LIPC: variants seen among roughly 807,000 people sequenced by gnomAD.
LIPC encodes the protein hepatic triacylglycerol lipase.
A neutral mutation model predicts 50.7 loss-of-function variants in LIPC; 44 were observed. That is an observed-to-expected ratio of 0.87 (90% CI 0.68 to 1.11). The LOEUF (loss-of-function observed/expected upper bound fraction) is 1.11, where lower values mean the gene tolerates loss of function less well. LIPC is among the 50% of genes most tolerant of loss of function. The probability of loss-of-function intolerance (pLI) is 0.00; values close to 1 mark genes in which losing one functional copy is unlikely to be tolerated. For missense variants in LIPC, 697 were observed against 648.2 expected (o/e 1.08, Z -0.82); for synonymous variants, 271 against 256.4 (o/e 1.06, Z -0.54).
intron 1 of LIPC, among the ~76,000 whole-genome samples, chr15:58,515,644 GA>G (rs1332639648): frequency 6.6e-6 from 1 of 151,910 alleles, no homozygotes; most frequent in African/African-American, 2.4e-5. Flanking sequence ...AGGGGCAGAG[GA>G]GTAATACAAC....
In LIPC at chr15:58,569,478, C is replaced by T. The variant is rs1193268036; in HGVS notation, c.*651C>T. ...AAATAAACATAATTATTATATCTTA[C>T]TAATGCTTGCAACAAAAGCTAATTT... On this transcript the variant is annotated 3_prime_UTR_variant, in exon 9 of 9. Transcript: ENST00000299022. The T allele has an allele frequency of 2.6e-5, 4 of 152,264 alleles. No individual in the cohort carries two copies. The East Asian group carries it at 7.7e-4, about 29-fold the overall frequency. The allele number at this position is 152,264 out of a possible 1,614,324, so 9.4% of individuals were successfully genotyped here.
intron 1 of LIPC, among the ~76,000 whole-genome samples, chr15:58,485,662 G>C (rs1891349452): frequency 6.6e-6 from 1 of 152,202 alleles, no homozygotes; most frequent in Admixed American, 6.5e-5. Flanking sequence ...TCTCTGCAAA[G>C]AAGATATTGC....
At chr15:58,481,006 C>T (rs1183551993) in intron 1 of LIPC, among the ~76,000 whole-genome samples, 1 of 152,150 alleles carries the variant, frequency 6.6e-6, no homozygotes, top group Non-Finnish European at 1.5e-5. Flanking sequence ...CCATAAGCAT[C>T]CACAGATTGA....
chr15:58,442,708 G>A (rs1893547925), intron 1 of LIPC, among the ~76,000 whole-genome samples: 1 of 152,210 alleles, frequency 6.6e-6, no homozygotes, highest in African/African-American at 2.4e-5. Context: ...GGCTCAGAGT[G>A]TTGCAAACTC....
At chr15:58,563,811 G>GA in intron 8 of LIPC, 88 bp downstream of exon 8, 4 of 1,079,182 alleles carry the variant, frequency 3.7e-6, no homozygotes, top group Non-Finnish European at 5.5e-6. Flanking sequence ...CATTCATCAT[G>GA]TGAGGTGAGT....
rs1491163077 is a variant in LIPC at position 58,567,281 on chromosome 15, G to GTGTGTGTA, written c.1389-1434_1389-1433insGTGTGTAT. The stretch of plus-strand genomic sequence containing the variant: ...TATATGTATATGTGTGTGTGTGTGT[G>GTGTGTGTA]TATATATATATACATATATATATAC... On this transcript the variant is annotated intron_variant, in intron 8 of 8. Transcript: ENST00000299022. 7.8e-4 allele frequency among the ~76,000 whole-genome samples: 51 copies of GTGTGTGTA among 65,406 alleles called. 1 individual carries two copies. Among genetic ancestry groups the GTGTGTGTA allele is most frequent in the Non-Finnish European group, 1.3e-3 (42 of 32,964 alleles). 42.9% of individuals were successfully genotyped at this position (65,406 alleles called of 152,430 possible).
chr15:58,534,426 C>A (rs1893050768), intron 1 of LIPC, among the ~76,000 whole-genome samples: 1 of 152,090 alleles, frequency 6.6e-6, no homozygotes, highest in South Asian at 2.1e-4. Context: ...TTCCTTCCAC[C>A]CCTAAATGTG....
At chr15:58,516,528 A>T (rs66849766) in intron 1 of LIPC, among the ~76,000 whole-genome samples, 39,908 of 151,804 alleles carry the variant, frequency 0.26, 5,358 homozygotes, top group South Asian at 0.42. Flanking sequence ...TTCAGCCTTT[A>T]TTCTCTGTGT....
At chr15:58,550,783 C>A (rs964935067) in intron 6 of LIPC, among the ~76,000 whole-genome samples, 4 of 150,366 alleles carry the variant, frequency 2.7e-5, no homozygotes, top group African/African-American at 9.8e-5. Flanking sequence ...GGTTCCAGTG[C>A]CGAGCTGTGG....
chr15:58,451,565 AC>A (rs1893899739), intron 1 of LIPC, among the ~76,000 whole-genome samples: 1 of 152,078 alleles, frequency 6.6e-6, no homozygotes, highest in Non-Finnish European at 1.5e-5. Context: ...CCAGGTGTCC[AC>A]CCCTGAATAG....
intron 1 of LIPC, among the ~76,000 whole-genome samples, chr15:58,488,475 A>G (rs570006988): frequency 1.3e-5 from 2 of 152,270 alleles, no homozygotes; most frequent in East Asian, 1.9e-4. Context: ...TCTCAGGCCT[A>G]TCCTATCTCA....
At chr15:58,486,338 T>C (rs1891376090) in intron 1 of LIPC, among the ~76,000 whole-genome samples, 2 of 152,150 alleles carry the variant, frequency 1.3e-5, no homozygotes, top group East Asian at 1.9e-4. Context: ...TGTGGGACTT[T>C]GGGTAGTATA....
At chr15:58,560,101 A>G (rs1056068585) in intron 6 of LIPC, among the ~76,000 whole-genome samples, 1 of 152,258 alleles carries the variant, frequency 6.6e-6, no homozygotes, top group Admixed American at 6.5e-5. Flanking sequence ...ATGTATTATC[A>G]TTTAACGATG....
chr15:58,459,114 G>A (rs1261735480), intron 1 of LIPC, among the ~76,000 whole-genome samples: 1 of 152,194 alleles, frequency 6.6e-6, no homozygotes, highest in African/African-American at 2.4e-5. Context: ...GGTGAGGTAT[G>A]TATTTTGTAG....
intron 1 of LIPC, among the ~76,000 whole-genome samples, chr15:58,511,426 T>C (rs989581255): frequency 3.9e-5 from 6 of 152,186 alleles, no homozygotes; most frequent in African/African-American, 1.4e-4. Context: ...TACCATTGCA[T>C]TGCATTTACC....
At chr15:58,460,248 CTT>C (rs1184762715) in intron 1 of LIPC, among the ~76,000 whole-genome samples, 8 of 152,204 alleles carry the variant, frequency 5.3e-5, no homozygotes, top group African/African-American at 1.9e-4. Context: ...AAAGTTTTGG[CTT>C]TTTCCTGGAG....
At chr15:58,501,655 C>T (rs1425369528) in intron 1 of LIPC, among the ~76,000 whole-genome samples, 3 of 152,090 alleles carry the variant, frequency 2.0e-5, no homozygotes, top group Admixed American at 6.5e-5. Flanking sequence ...CATTAACTTG[C>T]CGTGAATATA....
chr15:58,464,434 C>T (rs1400271121), intron 1 of LIPC, among the ~76,000 whole-genome samples: 2 of 152,258 alleles, frequency 1.3e-5, no homozygotes, highest in African/African-American at 4.8e-5. Context: ...TAAAGCAACA[C>T]ATCATAGCAA....
At chr15:58,565,523 C>G in intron 8 of LIPC, 1 of 1,326,338 alleles carries the variant, frequency 7.5e-7, no homozygotes, top group East Asian at 2.8e-5. Context: ...ATTGGTCTCA[C>G]GTGATCTTTG....
Sources: gnomAD v4.1 joint callset for allele counts (sites outside exome capture counted in the v4.1 genomes callset) on GRCh38, gnomAD v4.1.1 for gene constraint, MANE v1.5 for transcripts, NCBI Gene and HGNC (gene_info 2026-07-23, HGNC 2026-07-21) for gene names.